PCDHB15: variants seen among roughly 807,000 people sequenced by gnomAD.
PCDHB15 encodes protocadherin beta 15.
For synonymous variants in PCDHB15, 492 were observed against 447.9 expected, an observed-to-expected ratio of 1.10 and a Z score of -1.24; for missense variants, 1,032 against 991.7, an observed-to-expected ratio of 1.04 and a Z score of -0.55.
chr5:141,246,845 A>G lies in PCDHB15; in HGVS notation c.1267A>G (p.Ile423Val), dbSNP rs376811952. The change falls in exon 1 of 1, where the codon ATC becomes GTC. Residue 423 changes from isoleucine (I) to valine (V), a missense_variant. Physicochemically the swap from Ile to Val is conservative, Grantham distance 29 (BLOSUM62 3). Coordinates refer to ENST00000231173, the MANE Select transcript of PCDHB15 (RefSeq NM_018935.4). ...TRAEYNITIT[I>V]TDLGTPRLKT... ...AGCCGAGTACAACATCACCATCACC[A>G]TCACAGACTTGGGGACTCCAAGGCT... 8 of 1,614,064 alleles carry G rather than the reference A, an allele frequency of 5.0e-6. No homozygotes were observed. Among genetic ancestry groups the G allele is most frequent in the African/African-American group, 1.3e-5 (1 of 74,932 alleles).
rs1755249290 is a variant in PCDHB15, at chr5:141,246,020, C to G, written c.442C>G (p.Leu148Val). The G allele has an allele frequency of 1.9e-6, 3 of 1,614,122 alleles. No individual in the cohort carries two copies. In the African/African-American group the frequency reaches 4.0e-5, roughly 22 times the overall value. Residue 148 changes from leucine (L) to valine (V), a missense_variant, in exon 1 of 1, where the codon CTT becomes GTT. Physicochemically the swap from Leu to Val is conservative, Grantham distance 32. Transcript: ENST00000231173. ...MTLKIPETSS[L>V]GTVFPLKKAR... ...CCTGAAAATCCCAGAAACTAGCTCC[C>G]TTGGGACTGTGTTTCCTCTGAAAAA...
rs1554292095 is a variant in PCDHB15 at position 141,247,058 on chromosome 5, C to T, written c.1480C>T (p.Arg494Trp). The T allele has an allele frequency of 6.2e-6, 10 of 1,613,886 alleles. No individual in the cohort carries two copies. The Admixed American group carries it at 1.3e-4, about 22-fold the overall frequency. ...AQVTYSLLPP[R>W]DPHLPLTSLV... ...GGTCACCTACTCGCTGCTGCCGCCC[C>T]GGGACCCGCACCTGCCCCTCACCTC... Residue 494 changes from arginine to tryptophan, a missense_variant, in exon 1 of 1, where the codon CGG (arginine) becomes TGG (tryptophan). Coordinates refer to ENST00000231173, the MANE Select transcript of PCDHB15 (RefSeq NM_018935.4).
chr5:141,245,955 T>C lies in PCDHB15; in HGVS notation c.377T>C (p.Ile126Thr), dbSNP rs782748420. Residue 126 changes from isoleucine (I) to threonine (T), a missense_variant, in exon 1 of 1, where the codon ATA becomes ACA. Ile to Thr is a moderately conservative substitution (Grantham distance 89, BLOSUM62 -1). Coordinates refer to ENST00000231173, the MANE Select transcript of PCDHB15 (RefSeq NM_018935.4). ...VFRAELLVTD[I>T]NDHSPEFPER... ...CGAGCTGAACTACTAGTGACAGACA[T>C]AAACGATCATTCTCCTGAGTTTCCT... 6 of 1,614,034 alleles carry C rather than the reference T, an allele frequency of 3.7e-6. No homozygotes were observed. The highest frequency in any genetic ancestry group is 5.1e-6 in the Non-Finnish European group (6 of 1,180,048).
Position 141,245,587 on chromosome 5 carries a change from T to C in PCDHB15, c.9T>C (p.Pro3=). The change falls in exon 1 of 1, where the codon CCT becomes CCC. Residue 3 remains proline (P), a synonymous_variant. Transcript: ENST00000231173. ...CGTGTACAGAAGTAAAGATGGAGCC[T>C]GCAGGGGAGCGCTTTCCCGAACAAA... ME[P]AGERFPEQRQ... The C allele has an allele frequency of 6.2e-7, 1 of 1,614,074 alleles. No homozygotes were observed. The highest frequency in any genetic ancestry group is 8.5e-7 in the Non-Finnish European group (1 of 1,179,938).
Position 141,245,608 on chromosome 5 carries a change from A to G in PCDHB15, c.30A>G (p.Glu10=). The part of the protein sequence containing the change: MEPAGERFP[E]QRQVLILLLL... ...AGCCTGCAGGGGAGCGCTTTCCCGA[A>G]CAAAGGCAAGTCCTGATTCTCCTTC... The change falls in exon 1 of 1, where the codon GAA becomes GAG. Residue 10 remains glutamate, a synonymous_variant. Coordinates refer to ENST00000231173, the MANE Select transcript of PCDHB15 (RefSeq NM_018935.4). 1.4e-5 allele frequency: 23 copies of G among 1,614,224 alleles called. No homozygotes were observed. Among genetic ancestry groups the G allele is most frequent in the Non-Finnish European group, 1.9e-5 (23 of 1,180,032 alleles).
Position 141,247,027 on chromosome 5 carries a change from C to A in PCDHB15, c.1449C>A (p.Asn483Lys). ...CCACAGACAGAGACTCGGGCACCAA[C>A]GCCCAGGTCACCTACTCGCTGCTGC... ...VSATDRDSGT[N>K]AQVTYSLLPP... Residue 483 changes from asparagine to lysine, a missense_variant, in exon 1 of 1, where the codon AAC (asparagine) becomes AAA (lysine). Physicochemically the swap from Asn to Lys is moderately conservative, Grantham distance 94. Coordinates refer to ENST00000231173, the MANE Select transcript of PCDHB15 (RefSeq NM_018935.4). 1 of 1,613,626 alleles carries A rather than the reference C, an allele frequency of 6.2e-7. No homozygotes were observed. Among genetic ancestry groups the A allele is most frequent in the Non-Finnish European group, 8.5e-7 (1 of 1,180,048 alleles).
Position 141,246,064 on chromosome 5 carries a change from G to C in PCDHB15, c.486G>C (p.Val162=), listed in dbSNP as rs1755251085. 6.2e-7 allele frequency: 1 copy of C among 1,613,986 alleles called. No homozygotes were observed. Among genetic ancestry groups the C allele is most frequent in the Non-Finnish European group, 8.5e-7 (1 of 1,180,056 alleles). Residue 162 remains valine (V), a synonymous_variant, in exon 1 of 1, where the codon GTG becomes GTC. Transcript: ENST00000231173. ...TGAAAAAAGCTCGGGACTTGGACGT[G>C]GGCAGCAATAATGTTCAAAACTACA... The part of the protein sequence containing the change: ...FPLKKARDLD[V]GSNNVQNYNI...
rs782183050 is a variant in PCDHB15 at position 141,247,813 on chromosome 5, T to G, written c.2235T>G (p.Leu745=). The G allele has an allele frequency of 4.2e-5, 68 of 1,614,156 alleles. No individual in the cohort carries two copies. Among genetic ancestry groups the G allele is most frequent in the South Asian group, 4.1e-4 (37 of 91,058 alleles). ...HLVDVSGTGT[L]SQSYQYEVCL... is the part of the protein sequence containing the mutation. Reference sequence around the variant, plus strand: ...TGGACGTGAGCGGCACCGGGACCCTTTCCCAGAGCTACCAGTACGAGGTGT... The same window carrying G: ...TGGACGTGAGCGGCACCGGGACCCTGTCCCAGAGCTACCAGTACGAGGTGT... Residue 745 remains leucine, a synonymous_variant, in exon 1 of 1, where the codon CTT becomes CTG. Coordinates refer to ENST00000231173, the MANE Select transcript of PCDHB15 (RefSeq NM_018935.4).
rs1554291893 is a variant in PCDHB15, at chr5:141,246,316, C to T, written c.738C>T (p.Leu246=). The T allele has an allele frequency of 6.2e-7, 1 of 1,614,134 alleles. No individual in the cohort carries two copies. Among genetic ancestry groups the T allele is most frequent in the East Asian group, 2.2e-5 (1 of 44,872 alleles). The part of the protein sequence containing the change: ...NDNAPEFVQA[L]YEVQVPENSP... ...ATGCCCCGGAGTTTGTGCAGGCGCTCTACGAGGTGCAGGTCCCAGAGAACA... is the reference window on the plus strand; with the variant it reads ...ATGCCCCGGAGTTTGTGCAGGCGCTTTACGAGGTGCAGGTCCCAGAGAACA... Residue 246 remains leucine, a synonymous_variant, in exon 1 of 1, where the codon CTC becomes CTT. Transcript: ENST00000231173.
At position 141,246,520 on chromosome 5, in the gene PCDHB15, G is replaced by T. The variant is rs1588411431; in HGVS notation, c.942G>T (p.Ser314=). Residue 314 remains serine, a synonymous_variant, in exon 1 of 1, where the codon TCG becomes TCT. Coordinates refer to ENST00000231173, the MANE Select transcript of PCDHB15 (RefSeq NM_018935.4). ...AACTAGATTTTGAGACAATGTCTTC[G>T]TATGATCTAGATATAGAGGCATCTG... ...IKKLDFETMS[S]YDLDIEASDG... The T allele has an allele frequency of 1.9e-6, 3 of 1,613,986 alleles. No homozygotes were observed. Among genetic ancestry groups the T allele is most frequent in the African/African-American group, 1.3e-5 (1 of 74,914 alleles).
In PCDHB15 at chr5:141,247,064, C is replaced by A. The variant is rs782649039; in HGVS notation, c.1486C>A (p.Pro496Thr). ...VTYSLLPPRD[P>T]HLPLTSLVSI... Reference sequence around the variant, plus strand: ...CTACTCGCTGCTGCCGCCCCGGGACCCGCACCTGCCCCTCACCTCCCTGGT... The same window carrying A: ...CTACTCGCTGCTGCCGCCCCGGGACACGCACCTGCCCCTCACCTCCCTGGT... The change falls in exon 1 of 1, where the codon CCG becomes ACG. Residue 496 changes from proline (P) to threonine (T), a missense_variant. Transcript: ENST00000231173. 7 of 1,613,800 alleles carry A rather than the reference C, an allele frequency of 4.3e-6. No homozygotes were observed. In the African/African-American group the frequency reaches 8.0e-5, roughly 18 times the overall value.
chr5:141,246,306 T>C lies in PCDHB15; in HGVS notation c.728T>C (p.Val243Ala). The C allele has an allele frequency of 2.5e-6, 4 of 1,614,098 alleles. No homozygotes were observed. Among genetic ancestry groups the C allele is most frequent in the Non-Finnish European group, 3.4e-6 (4 of 1,179,996 alleles). The change falls in exon 1 of 1, where the codon GTG (valine) becomes GCG (alanine). Residue 243 changes from valine to alanine, a missense_variant. By Grantham distance (64) the Val-to-Ala change is moderately conservative. Coordinates refer to ENST00000231173, the MANE Select transcript of PCDHB15 (RefSeq NM_018935.4). ...LDANDNAPEF[V>A]QALYEVQVPE... ...GCCAATGACAATGCCCCGGAGTTTG[T>C]GCAGGCGCTCTACGAGGTGCAGGTC...
At position 141,247,639 on chromosome 5, in the gene PCDHB15, C is replaced by G. The variant is rs539170158; in HGVS notation, c.2061C>G (p.Thr687=). ...APAQAQADSL[T]VYLVVALASV... The stretch of plus-strand genomic sequence containing the variant: ...CCCAAGCCCAGGCCGACTCGCTTAC[C>G]GTCTACCTGGTGGTGGCATTGGCCT... Residue 687 remains threonine, a synonymous_variant, in exon 1 of 1, where the codon ACC becomes ACG. Transcript: ENST00000231173. The G allele has an allele frequency of 1.6e-5, 26 of 1,610,418 alleles. No individual in the cohort carries two copies. In the Admixed American group the frequency reaches 3.7e-4, roughly 23 times the overall value.
Position 141,245,927 on chromosome 5 carries a change from T to G in PCDHB15, c.349T>G (p.Phe117Val). The change falls in exon 1 of 1, where the codon TTT (phenylalanine) becomes GTT (valine). Residue 117 changes from phenylalanine to valine, a missense_variant. Transcript: ENST00000231173. The part of the protein sequence containing the change: ...QVLLKKPLEV[F>V]RAELLVTDIN... ...GTTACTGAAAAAACCTTTGGAAGTA[T>G]TTCGAGCTGAACTACTAGTGACAGA... is the stretch of plus-strand genomic sequence containing the variant. 6.2e-7 allele frequency: 1 copy of G among 1,614,120 alleles called. No homozygotes were observed. The highest frequency in any genetic ancestry group is 1.1e-5 in the South Asian group (1 of 91,078).
Position 141,246,030 on chromosome 5 carries a change from T to C in PCDHB15, c.452T>C (p.Val151Ala). 1 of 1,614,140 alleles carries C rather than the reference T, an allele frequency of 6.2e-7. No individual in the cohort carries two copies. The highest frequency in any genetic ancestry group is 1.3e-5 in the African/African-American group (1 of 75,058). ...CCAGAAACTAGCTCCCTTGGGACTG[T>C]GTTTCCTCTGAAAAAAGCTCGGGAC... ...KIPETSSLGT[V>A]FPLKKARDLD... Residue 151 changes from valine to alanine, a missense_variant, in exon 1 of 1, where the codon GTG becomes GCG. Transcript: ENST00000231173.
At position 141,249,077 on chromosome 5, in the gene PCDHB15, GA is replaced by G; in HGVS notation, c.*1138del. ...ACCTATGAATATGTTATATTGCAAAGAAATTAAGGTTCAAACAGAATTAAGG... is the reference window on the plus strand; with the variant it reads ...ACCTATGAATATGTTATATTGCAAAGAATTAAGGTTCAAACAGAATTAAGG... On this transcript the variant is annotated 3_prime_UTR_variant, in exon 1 of 1. Transcript: ENST00000231173. The G allele has an allele frequency of 6.6e-6, 1 of 152,104 alleles. No individual in the cohort carries two copies. The highest frequency in any genetic ancestry group is 1.9e-4 in the East Asian group (1 of 5,160). 9.4% of individuals were successfully genotyped at this position (152,104 alleles called of 1,614,324 possible).
rs555595523 is a variant in PCDHB15, at chr5:141,246,400, T to A, written c.822T>A (p.Asn274Lys). The A allele has an allele frequency of 6.2e-7, 1 of 1,613,774 alleles. No individual in the cohort carries two copies. The highest frequency in any genetic ancestry group is 2.2e-5 in the East Asian group (1 of 44,892). Residue 274 changes from asparagine (N) to lysine (K), a missense_variant, in exon 1 of 1, where the codon AAT (asparagine) becomes AAA (lysine). Asn to Lys is a moderately conservative substitution (Grantham distance 94, BLOSUM62 0). Transcript: ENST00000231173. ...VSARDLDTGT[N>K]GEISYSLYYS... ...CTAGGGATTTAGACACTGGGACAAA[T>A]GGAGAGATATCATACTCCCTTTATT...
chr5:141,247,145 G>A lies in PCDHB15; in HGVS notation c.1567G>A (p.Ala523Thr). 3.1e-6 allele frequency: 5 copies of A among 1,613,836 alleles called. No individual in the cohort carries two copies. The highest frequency in any genetic ancestry group is 4.2e-6 in the Non-Finnish European group (5 of 1,179,896). The change falls in exon 1 of 1, where the codon GCC (alanine) becomes ACC (threonine). Residue 523 changes from alanine (A) to threonine (T), a missense_variant. Transcript: ENST00000231173. ...CGCTCTCCAGTCGCTGGACTACGAG[G>A]CCCTGCAGGCTTTCGAGTTCCGCGT... ...LFALQSLDYEALQAFEFRVGA... is the reference protein window; with the variant it reads ...LFALQSLDYETLQAFEFRVGA...
chr5:141,245,594 G>C lies in PCDHB15; in HGVS notation c.16G>C (p.Glu6Gln), dbSNP rs782082690. 3 of 1,614,184 alleles carry C rather than the reference G, an allele frequency of 1.9e-6. No individual in the cohort carries two copies. In the South Asian group the frequency reaches 3.3e-5, roughly 18 times the overall value. Residue 6 changes from glutamate (E) to glutamine (Q), a missense_variant, in exon 1 of 1, where the codon GAG becomes CAG. By Grantham distance (29) the Glu-to-Gln change is conservative. Coordinates refer to ENST00000231173, the MANE Select transcript of PCDHB15 (RefSeq NM_018935.4). ...AGAAGTAAAGATGGAGCCTGCAGGG[G>C]AGCGCTTTCCCGAACAAAGGCAAGT... MEPAG[E>Q]RFPEQRQVLI...
Sources: allele counts gnomAD v4.1 joint callset, GRCh38; gene constraint gnomAD v4.1.1; transcripts MANE v1.5; gene names NCBI Gene and HGNC (gene_info 2026-07-23, HGNC 2026-07-21).